The following DCAF10 variants were observed in gnomAD, a reference collection of about 807,000 sequenced individuals.
DCAF10 encodes DDB1 and CUL4 associated factor 10, also known as DDB1- and CUL4-associated factor 10.
A neutral mutation model predicts 51.9 loss-of-function variants in DCAF10; 19 were observed. The observed-to-expected ratio is 0.37, with a 90% CI of 0.26 to 0.54. DCAF10 has a LOEUF of 0.54. Among genes scored for constraint, DCAF10 ranks in the 20% least tolerant of loss-of-function variants. The probability of loss-of-function intolerance (pLI) is 0.87; values close to 1 mark genes in which losing one functional copy is unlikely to be tolerated. For missense variants in DCAF10, 510 were observed against 730.6 expected, an observed-to-expected ratio of 0.70 and a Z score of 3.48; for synonymous variants, 291 against 297.1, an observed-to-expected ratio of 0.98 and a Z score of 0.21.
chr9:37,800,966 C>T lies in DCAF10; in HGVS notation c.100C>T (p.Pro34Ser). ...PHEGQAAATG[P>S]PSPLHPGADA... ...CGAGGGGCAGGCAGCAGCCACCGGG[C>T]CGCCCTCGCCACTACATCCCGGGGC... Residue 34 changes from proline (P) to serine (S), a missense_variant, in exon 1 of 7, where the codon CCG becomes TCG. By Grantham distance (74) the Pro-to-Ser change is moderately conservative. Coordinates refer to ENST00000377724, the MANE Select transcript of DCAF10 (RefSeq NM_024345.5). The T allele has an allele frequency of 6.6e-7, 1 of 1,509,558 alleles. No individual in the cohort carries two copies. The highest frequency in any genetic ancestry group is 1.3e-5 in the South Asian group (1 of 79,394). 93.5% of individuals were successfully genotyped at this position (1,509,558 alleles called of 1,614,324 possible).
Position 37,801,033 on chromosome 9 carries a change from G to A in DCAF10, c.167G>A (p.Arg56His), listed in dbSNP as rs1589067686. The A allele has an allele frequency of 2.0e-6, 3 of 1,537,000 alleles. No homozygotes were observed. The highest frequency in any genetic ancestry group is 1.4e-5 in the African/African-American group (1 of 70,500). Residue 56 changes from arginine to histidine, a missense_variant, in exon 1 of 7, where the codon CGC becomes CAC. Around this residue, in one of 4 missense-constraint regions of DCAF10, gnomAD observed 251 missense variants for 227.9 expected, o/e 1.10. Coordinates refer to ENST00000377724, the MANE Select transcript of DCAF10 (RefSeq NM_024345.5). The surrounding 1 kb of genome is among the most constrained non-coding windows in gnomAD (Gnocchi z 5.5). ...HPPPPARSPR[R>H]PGAPSLSPAP... ...CCTCCACCCGCCCGAAGCCCTCGCC[G>A]CCCCGGCGCCCCATCGCTGTCCCCG...
At chr9:37,805,625 A>G (rs1829090476) in intron 1 of DCAF10, among the ~76,000 whole-genome samples, 1 of 152,336 alleles carries the variant, frequency 6.6e-6, no homozygotes, top group South Asian at 2.1e-4. Context: ...TAATTTCCAG[A>G]CTAGTACAAG....
intron 1 of DCAF10, among the ~76,000 whole-genome samples, chr9:37,815,937 G>C (rs1439054606): frequency 1.3e-5 from 2 of 152,062 alleles, no homozygotes; most frequent in African/African-American, 2.4e-5. Context: ...GGGACTACAG[G>C]TGTGCACCAT....
intron 2 of DCAF10, among the ~76,000 whole-genome samples, chr9:37,827,612 G>T (rs1829890532): frequency 6.6e-6 from 1 of 152,174 alleles, no homozygotes; most frequent in Non-Finnish European, 1.5e-5. Context: ...ATGGAATCAG[G>T]AATGCAAAGA....
chr9:37,819,126 C>T (rs1829631107), intron 1 of DCAF10, among the ~76,000 whole-genome samples, 162 bp from the exon 2 acceptor site: 1 of 152,110 alleles, frequency 6.6e-6, no homozygotes, highest in Non-Finnish European at 1.5e-5. Context: ...TCCTACTACT[C>T]TTGCCAACCA....
rs555002670 is a variant in DCAF10, at chr9:37,864,234, C to G, written c.*2726C>G. On this transcript the variant is annotated 3_prime_UTR_variant, in exon 7 of 7. Transcript: ENST00000377724. ...CTGGGAGGCAGAGGCTGCAGTGAGC[C>G]AAGATTGCACTATTGCACTCCACCC... The G allele has an allele frequency of 4.0e-5, 6 of 151,866 alleles. No individual in the cohort carries two copies. The highest frequency in any genetic ancestry group is 1.3e-4 in the Admixed American group (2 of 15,226). 9.4% of individuals were successfully genotyped at this position (151,866 alleles called of 1,614,324 possible).
intron 1 of DCAF10, among the ~76,000 whole-genome samples, chr9:37,818,898 A>G (rs979516522): frequency 6.6e-6 from 1 of 152,136 alleles, no homozygotes; most frequent in Non-Finnish European, 1.5e-5. Context: ...TCCCTGTGTC[A>G]TGTACATTTA....
chr9:37,806,989 G>A (rs889336264), intron 1 of DCAF10, among the ~76,000 whole-genome samples: 2 of 152,066 alleles, frequency 1.3e-5, no homozygotes, highest in Admixed American at 1.3e-4. Flanking sequence ...GAGGGATTAG[G>A]TTTAATATAA....
chr9:37,849,709 C>A (rs922186415), intron 3 of DCAF10, among the ~76,000 whole-genome samples: 1 of 152,176 alleles, frequency 6.6e-6, no homozygotes, highest in South Asian at 2.1e-4. Flanking sequence ...AGTGAAACCC[C>A]GTGTCTACTA....
chr9:37,841,239 C>T (rs1348995783), intron 2 of DCAF10, among the ~76,000 whole-genome samples: 2 of 152,004 alleles, frequency 1.3e-5, no homozygotes, highest in East Asian at 1.9e-4. Context: ...TTAGGAAGGT[C>T]GTTATGGTGT....
At chr9:37,858,245 G>C (rs1482589928) in intron 5 of DCAF10, among the ~76,000 whole-genome samples, 21 of 152,158 alleles carry the variant, frequency 1.4e-4, no homozygotes, top group Admixed American at 7.9e-4. Flanking sequence ...CTTGCCTCTG[G>C]ATATTGAAGT....
intron 5 of DCAF10, chr9:37,858,494 A>T (rs1377214965): frequency 6.6e-6 from 1 of 152,260 alleles, no homozygotes; most frequent in Non-Finnish European, 1.5e-5. Context: ...AAGAATAGTT[A>T]ACATGCTTGC....
chr9:37,846,658 T>C (rs928794978), intron 3 of DCAF10, among the ~76,000 whole-genome samples: 15 of 152,022 alleles, frequency 9.9e-5, no homozygotes, highest in African/African-American at 3.1e-4. Flanking sequence ...GGTTTCACCA[T>C]GTTGGTCAGG....
intron 1 of DCAF10, among the ~76,000 whole-genome samples, chr9:37,814,066 G>A (rs1326162295): frequency 8.3e-6 from 1 of 120,946 alleles, no homozygotes; most frequent in Non-Finnish European, 1.7e-5. Flanking sequence ...GAACCACTTT[G>A]AAACTATTTG....
chr9:37,813,764 C>A (rs1311220128), intron 1 of DCAF10, among the ~76,000 whole-genome samples: 1 of 151,998 alleles, frequency 6.6e-6, no homozygotes. Context: ...ACTAGAAAAT[C>A]TCTTTATTTT....
chr9:37,819,313 C>A lies in DCAF10; in HGVS notation c.565C>A (p.Gln189Lys). The A allele has an allele frequency of 6.2e-7, 1 of 1,613,786 alleles. No individual in the cohort carries two copies. Among genetic ancestry groups the A allele is most frequent in the East Asian group, 2.2e-5 (1 of 44,824 alleles). The change falls in exon 2 of 7, where the codon CAA becomes AAA. Residue 189 changes from glutamine to lysine, a missense_variant. Transcript: ENST00000377724. ...GTCAGTGCTGACAGTTGCTTGTGAA[C>A]AAACTGAAGTTCTGCTTTTTGACCC... ...DGSVLTVACE[Q>K]TEVLLFDPIS... is the part of the protein sequence containing the mutation.
chr9:37,860,332 C>T (rs1830978001), intron 6 of DCAF10, 139 bp downstream of exon 6: 1 of 1,087,674 alleles, frequency 9.2e-7, no homozygotes, highest in Non-Finnish European at 1.3e-6. Flanking sequence ...TCTCGACTCT[C>T]CTGTTTCTGT....
upstream of DCAF10, chr9:37,800,606 G>C (rs1459757057): frequency 9.1e-6 from 14 of 1,536,104 alleles, no homozygotes; most frequent in African/African-American, 1.4e-5. Flanking sequence ...GACCGACTCT[G>C]CCACCCAGAT....
intron 3 of DCAF10, among the ~76,000 whole-genome samples, chr9:37,846,660 T>A (rs1056151915): frequency 1.3e-5 from 2 of 152,016 alleles, no homozygotes; most frequent in Non-Finnish European, 2.9e-5. Context: ...TTTCACCATG[T>A]TGGTCAGGCT....
Sources: gnomAD v4.1 joint callset for allele counts (sites outside exome capture counted in the v4.1 genomes callset) on GRCh38, gnomAD v4.1.1 for gene constraint, gnomAD v4.1.1 regional missense constraint, Gnocchi (gnomAD v3.1) non-coding constraint, MANE v1.5 for transcripts, NCBI Gene and HGNC (gene_info 2026-07-23, HGNC 2026-07-21) for gene names.